FRYL: variants seen among roughly 807,000 people sequenced by gnomAD.
The protein encoded by FRYL is FRY like transcription coactivator.
FRYL carries 150 observed loss-of-function variants against 351.2 expected under a neutral mutation model. The ratio of observed to expected loss-of-function variants is 0.43; its 90% CI spans 0.37 to 0.49. The LOEUF (loss-of-function observed/expected upper bound fraction) is 0.49, where lower values mean the gene tolerates loss of function less well. Among genes scored for constraint, FRYL ranks in the 20% least tolerant of loss-of-function variants. FRYL has a pLI of 0.00. For synonymous variants in FRYL, 1,153 were observed against 1,257.1 expected (o/e 0.92, Z 1.75); for missense variants, 3,036 against 3,619.3 (o/e 0.84, Z 4.13).
chr4:48,605,862 T>C (rs775518809), intron 10 of FRYL, 29 bp from the exon 11 acceptor site: 2 of 1,268,096 alleles, frequency 1.6e-6, no homozygotes, highest in East Asian at 4.9e-5. Flanking sequence ...TATACTTAGA[T>C]TAACAAAAGA....
chr4:48,616,913 T>C (rs1033379623), intron 7 of FRYL, among the ~76,000 whole-genome samples: 9 of 152,220 alleles, frequency 5.9e-5, no homozygotes, highest in African/African-American at 2.2e-4. Flanking sequence ...TTAAACCTCA[T>C]GTTATTCTGA....
chr4:48,616,973 A>AT (rs1257131344), intron 7 of FRYL, among the ~76,000 whole-genome samples: 2 of 152,152 alleles, frequency 1.3e-5, no homozygotes, highest in Non-Finnish European at 2.9e-5. Flanking sequence ...AGCTCTATTG[A>AT]TTTTTACATC....
chr4:48,712,234 T>G (rs1311393857), intron 1 of FRYL, among the ~76,000 whole-genome samples: 1 of 151,220 alleles, frequency 6.6e-6, no homozygotes, highest in African/African-American at 2.4e-5. Context: ...CTTTGACGAG[T>G]TGAGAGAAGA....
intron 3 of FRYL, among the ~76,000 whole-genome samples, chr4:48,682,002 C>T (rs1225979382): frequency 6.6e-6 from 1 of 152,116 alleles, no homozygotes; most frequent in Non-Finnish European, 1.5e-5. Context: ...AAAGTTCTCT[C>T]CCTTCCTTTG....
At chr4:48,562,558 C>T (rs1735760862) in intron 32 of FRYL, among the ~76,000 whole-genome samples, 1 of 152,118 alleles carries the variant, frequency 6.6e-6, no homozygotes. Flanking sequence ...ACATGGCTCT[C>T]CAAAAAAATT....
intron 1 of FRYL, among the ~76,000 whole-genome samples, chr4:48,747,127 G>C (rs1162883902): frequency 6.6e-6 from 1 of 150,854 alleles, no homozygotes; most frequent in Non-Finnish European, 1.5e-5. Context: ...GTCAATGAGA[G>C]AGGGAGGTTC....
chr4:48,692,786 A>G (rs181169342), intron 2 of FRYL, among the ~76,000 whole-genome samples: 1 of 152,380 alleles, frequency 6.6e-6, no homozygotes, highest in East Asian at 1.9e-4. Flanking sequence ...TTAAGGTGTT[A>G]GCAAAATGCT....
chr4:48,653,446 G>A (rs929429908), intron 3 of FRYL, among the ~76,000 whole-genome samples: 2 of 151,640 alleles, frequency 1.3e-5, no homozygotes, highest in African/African-American at 4.9e-5. Context: ...GACTAATTGC[G>A]AGAAACTTTG....
intron 1 of FRYL, among the ~76,000 whole-genome samples, chr4:48,764,504 C>T (rs1774743885): frequency 1.3e-5 from 2 of 148,750 alleles, no homozygotes; most frequent in Non-Finnish European, 3.0e-5. Flanking sequence ...GTGCTCCAGC[C>T]TGAACAACAA....
intron 2 of FRYL, among the ~76,000 whole-genome samples, chr4:48,686,346 A>G (rs1171184521): frequency 6.6e-6 from 1 of 152,204 alleles, no homozygotes; most frequent in African/African-American, 2.4e-5. Flanking sequence ...ATAAAATACT[A>G]ACTTGTTTGT....
chr4:48,715,719 A>G (rs1157941046), intron 1 of FRYL, among the ~76,000 whole-genome samples: 1 of 152,206 alleles, frequency 6.6e-6, no homozygotes, highest in African/African-American at 2.4e-5. Flanking sequence ...TATACATTCA[A>G]TGCCATCCCC....
At chr4:48,745,873 G>T (rs545863650) in intron 1 of FRYL, among the ~76,000 whole-genome samples, 11 of 152,136 alleles carry the variant, frequency 7.2e-5, no homozygotes, top group Non-Finnish European at 1.3e-4. Flanking sequence ...CTATGAAATT[G>T]AAAAGGAAGG....
chr4:48,757,009 A>G (rs1773862456), intron 1 of FRYL, among the ~76,000 whole-genome samples: 1 of 152,198 alleles, frequency 6.6e-6, no homozygotes, highest in Non-Finnish European at 1.5e-5. Flanking sequence ...CATCTGGGTG[A>G]CTGTAGTGTG....
chr4:48,624,455 T>C (rs1751367410), intron 4 of FRYL, among the ~76,000 whole-genome samples: 1 of 152,146 alleles, frequency 6.6e-6, no homozygotes, highest in African/African-American at 2.4e-5. Flanking sequence ...TTCTTGCTTG[T>C]ATGAAGAAAT....
chr4:48,757,058 C>G (rs898227988), intron 1 of FRYL, among the ~76,000 whole-genome samples: 4 of 152,176 alleles, frequency 2.6e-5, no homozygotes, highest in African/African-American at 4.8e-5. Flanking sequence ...TGAGGACTCC[C>G]CAAGACAAGG....
intron 2 of FRYL, among the ~76,000 whole-genome samples, chr4:48,704,276 G>A (rs536269339): frequency 6.6e-6 from 1 of 152,066 alleles, no homozygotes; most frequent in African/African-American, 2.4e-5. Flanking sequence ...GTTGGAAAAA[G>A]AAAAAGAAAT....
chr4:48,569,054 G>T (rs1457498959), intron 27 of FRYL, among the ~76,000 whole-genome samples: 1 of 151,948 alleles, frequency 6.6e-6, no homozygotes, highest in Non-Finnish European at 1.5e-5. Context: ...TACACAACTG[G>T]GTTCAAAAAT....
At chr4:48,551,191 T>A (rs1423845553) in intron 37 of FRYL, among the ~76,000 whole-genome samples, 2 of 152,224 alleles carry the variant, frequency 1.3e-5, no homozygotes, top group African/African-American at 4.8e-5. Context: ...TAAAATAATA[T>A]TCTGGCATAC....
In FRYL at chr4:48,500,044, T is replaced by C; in HGVS notation, c.8769A>G (p.Gln2923=). ...KNKEFISAVA[Q]VKAFRSLWPS... ...TCACGTTTTACCTGAAAGCTTTGAC[T>C]TGTGCTACAGCTGATATAAATTCTT... Residue 2923 remains glutamine (Q), a synonymous_variant, in exon 63 of 64, where the codon CAA becomes CAG. Transcript: ENST00000358350. 6.3e-7 allele frequency: 1 copy of C among 1,586,576 alleles called. No homozygotes were observed. Among genetic ancestry groups the C allele is most frequent in the Non-Finnish European group, 8.5e-7 (1 of 1,172,210 alleles).
Sources: gnomAD v4.1 joint callset for allele counts (sites outside exome capture counted in the v4.1 genomes callset) on GRCh38, gnomAD v4.1.1 for gene constraint, MANE v1.5 for transcripts, NCBI Gene and HGNC (gene_info 2026-07-23, HGNC 2026-07-21) for gene names.